Variants in DGKB observed in about 807,000 individuals in gnomAD.
DGKB encodes diacylglycerol kinase beta.
Under a neutral mutation model 114.3 loss-of-function variants are expected in DGKB, and 67 were observed. The ratio of observed to expected loss-of-function variants is 0.59; its 90% confidence interval spans 0.48 to 0.72. DGKB has a LOEUF of 0.72. DGKB is among the 30% of genes least tolerant of loss of function. The pLI is 0.00. For missense variants in DGKB, 907 were observed against 975.2 expected, an observed-to-expected ratio of 0.93 and a Z score of 0.93; for synonymous variants, 398 against 323.1, an observed-to-expected ratio of 1.23 and a Z score of -2.49.
intron 21 of DGKB, among the ~76,000 whole-genome samples, chr7:14,407,602 G>T (rs1824153892): frequency 6.6e-6 from 1 of 152,028 alleles, no homozygotes; most frequent in South Asian, 2.1e-4. Context: ...CTTCATAGCT[G>T]CTAAAATTTC....
chr7:14,392,160 G>A (rs1821424251), intron 21 of DGKB, among the ~76,000 whole-genome samples: 1 of 152,012 alleles, frequency 6.6e-6, no homozygotes, highest in African/African-American at 2.4e-5. Flanking sequence ...CTGACTTGGA[G>A]GTATGAATGC....
At chr7:14,238,944 C>A (rs1305153571) in intron 23 of DGKB, among the ~76,000 whole-genome samples, 2 of 151,878 alleles carry the variant, frequency 1.3e-5, no homozygotes, top group African/African-American at 4.8e-5. Flanking sequence ...ACATCTAAAA[C>A]AATGATTATG....
At chr7:14,824,599 T>C (rs1845404100) in intron 2 of DGKB, among the ~76,000 whole-genome samples, 1 of 152,116 alleles carries the variant, frequency 6.6e-6, no homozygotes, top group South Asian at 2.1e-4. Context: ...ATGTTTTCAT[T>C]AGCCTAGACT....
intron 1 of DGKB, among the ~76,000 whole-genome samples, chr7:14,881,400 A>C (rs1854210885): frequency 6.6e-6 from 1 of 152,136 alleles, no homozygotes; most frequent in African/African-American, 2.4e-5. Flanking sequence ...TTATGACAAC[A>C]AGTATTTTCT....
At chr7:14,702,372 C>G (rs1825348959) in intron 6 of DGKB, among the ~76,000 whole-genome samples, 1 of 152,116 alleles carries the variant, frequency 6.6e-6, no homozygotes, top group Non-Finnish European at 1.5e-5. Flanking sequence ...GAAGCCAGCA[C>G]AGAAAAACTG....
At chr7:14,201,893 C>G (rs977541015) in intron 23 of DGKB, among the ~76,000 whole-genome samples, 2 of 151,960 alleles carry the variant, frequency 1.3e-5, no homozygotes, top group Admixed American at 6.6e-5. Context: ...AATAAGCATA[C>G]GTTGAATTAG....
At chr7:14,710,127 A>C (rs1234274609) in intron 6 of DGKB, among the ~76,000 whole-genome samples, 1 of 152,082 alleles carries the variant, frequency 6.6e-6, no homozygotes, top group East Asian at 1.9e-4. Context: ...GAATCTTTAA[A>C]ATGCTGAGTC....
chr7:14,797,435 A>G (rs1841553130), intron 2 of DGKB, among the ~76,000 whole-genome samples: 1 of 152,186 alleles, frequency 6.6e-6, no homozygotes, highest in African/African-American at 2.4e-5. Context: ...CTTCTTTGAC[A>G]TATTTCAAGA....
intron 21 of DGKB, among the ~76,000 whole-genome samples, chr7:14,451,614 C>T (rs1434164485): frequency 6.6e-6 from 1 of 151,830 alleles, no homozygotes; most frequent in African/African-American, 2.4e-5. Context: ...CTGGAATACG[C>T]TAAAATACTC....
At chr7:14,949,351 A>G (rs552833545) in intron 1 of DGKB, among the ~76,000 whole-genome samples, 17 of 152,102 alleles carry the variant, frequency 1.1e-4, no homozygotes, top group African/African-American at 3.4e-4. Context: ...AGTATTTTGG[A>G]AAACCGCTTC....
At chr7:14,244,593 C>T (rs894127107) in intron 23 of DGKB, among the ~76,000 whole-genome samples, 3 of 143,722 alleles carry the variant, frequency 2.1e-5, no homozygotes, top group Non-Finnish European at 1.5e-5. Flanking sequence ...TCGCTTGAAT[C>T]TGGGAGGCGC....
chr7:14,234,083 T>A (rs1019894387), intron 23 of DGKB, among the ~76,000 whole-genome samples: 3 of 152,104 alleles, frequency 2.0e-5, no homozygotes, highest in Non-Finnish European at 4.4e-5. Context: ...AACCTCTGGC[T>A]ATGAGTTCTT....
At chr7:14,746,789 A>C (rs1473451147) in intron 4 of DGKB, among the ~76,000 whole-genome samples, 1 of 152,204 alleles carries the variant, frequency 6.6e-6, no homozygotes, top group African/African-American at 2.4e-5. Flanking sequence ...GTGAGCCACC[A>C]TGCCCAGCCA....
chr7:14,964,320 C>T (rs2115281753), intron 1 of DGKB, among the ~76,000 whole-genome samples: 1 of 152,168 alleles, frequency 6.6e-6, no homozygotes, highest in South Asian at 2.1e-4. Flanking sequence ...GCCTGGGCCA[C>T]ATGGCAAAAC....
At chr7:14,178,908 AT>A (rs1186860385) in intron 23 of DGKB, among the ~76,000 whole-genome samples, 1 of 152,040 alleles carries the variant, frequency 6.6e-6, no homozygotes, top group Non-Finnish European at 1.5e-5. Flanking sequence ...ATATTATCTC[AT>A]TTGCTCCTGC....
At chr7:14,970,686 A>G (rs75914507) in intron 1 of DGKB, among the ~76,000 whole-genome samples, 2,981 of 152,214 alleles carry the variant, frequency 0.02, 79 homozygotes, top group African/African-American at 0.06. Flanking sequence ...CCCTAAAGTG[A>G]ATGATTGCCT....
intron 15 of DGKB, among the ~76,000 whole-genome samples, chr7:14,616,345 G>C (rs941153453): frequency 1.3e-5 from 2 of 150,996 alleles, no homozygotes; most frequent in African/African-American, 4.8e-5. Flanking sequence ...TGGGATATGA[G>C]GTACCAATGT....
chr7:14,831,500 T>A (rs1846407550), intron 2 of DGKB, among the ~76,000 whole-genome samples: 1 of 152,010 alleles, frequency 6.6e-6, no homozygotes, highest in Admixed American at 6.6e-5. Context: ...TATAAAAGAC[T>A]CAGATTCCCT....
At chr7:14,886,256 C>T (rs1855034060) in intron 1 of DGKB, among the ~76,000 whole-genome samples, 2 of 151,690 alleles carry the variant, frequency 1.3e-5, no homozygotes, top group Admixed American at 6.6e-5. Context: ...GAAAGAGGGA[C>T]CATTTCAAGC....
Sources: allele counts gnomAD v4.1 joint callset (sites outside exome capture counted in the v4.1 genomes callset), GRCh38; gene constraint gnomAD v4.1.1; transcripts MANE v1.5; gene names NCBI Gene and HGNC (gene_info 2026-07-23, HGNC 2026-07-21).